KIF26B: variants seen among roughly 807,000 people sequenced by gnomAD.
The protein encoded by KIF26B is kinesin family member 26B, also known as kinesin-like protein KIF26B.
A neutral mutation model predicts 151.2 loss-of-function variants in KIF26B; 63 were observed. The observed-to-expected ratio is 0.42, with a 90% CI of 0.34 to 0.51. The LOEUF (loss-of-function observed/expected upper bound fraction) is 0.51. Ranked by LOEUF, KIF26B falls within the 20% of genes least tolerant of loss-of-function variation. The pLI is 0.07. For missense variants in KIF26B, 2,813 were observed against 2,913.6 expected, an observed-to-expected ratio of 0.97 and a Z score of 0.79; for synonymous variants, 1,357 against 1,262.1, an observed-to-expected ratio of 1.08 and a Z score of -1.59.
At chr1:245,468,892 G>A (rs1355616433) in intron 4 of KIF26B, among the ~76,000 whole-genome samples, 1 of 152,076 alleles carries the variant, frequency 6.6e-6, no homozygotes, top group Non-Finnish European at 1.5e-5. Flanking sequence ...TATTCCTTCA[G>A]CAAGTGAAAC....
intron 3 of KIF26B, among the ~76,000 whole-genome samples, chr1:245,418,697 T>A (rs1426977880): frequency 1.3e-5 from 2 of 152,206 alleles, no homozygotes; most frequent in Admixed American, 1.3e-4. Flanking sequence ...AAACTGACAT[T>A]TTTCTTTTTT....
At chr1:245,526,995 T>A (rs1386065840) in intron 4 of KIF26B, among the ~76,000 whole-genome samples, 3 of 152,228 alleles carry the variant, frequency 2.0e-5, no homozygotes, top group African/African-American at 4.8e-5. Context: ...GGAAGATAAA[T>A]ACTAAGGAAA....
At chr1:245,238,667 C>T (rs1243283349) in intron 2 of KIF26B, among the ~76,000 whole-genome samples, 1 of 152,044 alleles carries the variant, frequency 6.6e-6, no homozygotes, top group Non-Finnish European at 1.5e-5. Context: ...TTGAGACCAG[C>T]CTGCCCAACA....
intron 4 of KIF26B, among the ~76,000 whole-genome samples, chr1:245,480,773 A>T: frequency 9.7e-6 from 1 of 103,256 alleles, no homozygotes; most frequent in African/African-American, 5.4e-5. Context: ...TAATACTTTT[A>T]AAATGTTAAA....
chr1:245,559,642 G>A (rs895935907), intron 5 of KIF26B, among the ~76,000 whole-genome samples: 2 of 152,184 alleles, frequency 1.3e-5, no homozygotes, highest in African/African-American at 4.8e-5. Flanking sequence ...TTGAATTCCT[G>A]AGCTCATGAT....
chr1:245,235,376 G>A, intron 2 of KIF26B, among the ~76,000 whole-genome samples: 1 of 151,912 alleles, frequency 6.6e-6, no homozygotes, highest in Non-Finnish European at 1.5e-5. Flanking sequence ...AGGATGGCTC[G>A]AGGCCAGGAG....
At chr1:245,466,812 G>A (rs185614627) in intron 4 of KIF26B, among the ~76,000 whole-genome samples, 4 of 152,282 alleles carry the variant, frequency 2.6e-5, no homozygotes, top group African/African-American at 7.2e-5. Flanking sequence ...TGTAATCCCA[G>A]CTACTTGGGA....
chr1:245,275,138 G>C (rs1305533958), intron 2 of KIF26B, among the ~76,000 whole-genome samples: 1 of 152,124 alleles, frequency 6.6e-6, no homozygotes, highest in Non-Finnish European at 1.5e-5. Context: ...CTTTTGAGAA[G>C]TGTCTGTTTA....
At chr1:245,626,412 TCTG>T (rs1553297637) in intron 9 of KIF26B, among the ~76,000 whole-genome samples, 1 of 151,740 alleles carries the variant, frequency 6.6e-6, no homozygotes. Context: ...GTTTTTTTTT[TCTG>T]TCTTTCTAAT....
intron 5 of KIF26B, among the ~76,000 whole-genome samples, chr1:245,595,815 G>A (rs915434353): frequency 5.9e-5 from 9 of 151,914 alleles, no homozygotes; most frequent in Non-Finnish European, 7.4e-5. Context: ...TTGGTAGGCT[G>A]CGAAATTACT....
At chr1:245,187,724 G>C (rs4658442) in intron 2 of KIF26B, among the ~76,000 whole-genome samples, 131,978 of 152,164 alleles carry the variant, frequency 0.87, 57,791 homozygotes, top group Non-Finnish European at 0.94. Flanking sequence ...ATGTTGGAGA[G>C]GGGGAGGTTG....
chr1:245,660,710 G>C (rs141023691), intron 10 of KIF26B, among the ~76,000 whole-genome samples: 166 of 152,240 alleles, frequency 1.1e-3, no homozygotes, highest in African/African-American at 3.9e-3. Context: ...TTCTTGTTCT[G>C]TAAGCACCTA....
intron 2 of KIF26B, among the ~76,000 whole-genome samples, chr1:245,357,033 T>G (rs1672716037): frequency 6.6e-6 from 1 of 152,170 alleles, no homozygotes; most frequent in Admixed American, 6.5e-5. Context: ...TCCTGGTGTG[T>G]TCAAGGAACA....
At chr1:245,342,410 G>A (rs979216191) in intron 2 of KIF26B, among the ~76,000 whole-genome samples, 1 of 152,198 alleles carries the variant, frequency 6.6e-6, no homozygotes, top group East Asian at 1.9e-4. Context: ...GTGTAATTAA[G>A]AGTGTTAATG....
chr1:245,277,047 T>C (rs1372798150), intron 2 of KIF26B, among the ~76,000 whole-genome samples: 3 of 152,110 alleles, frequency 2.0e-5, no homozygotes, highest in Admixed American at 1.3e-4. Context: ...TGGAATACTA[T>C]GTTTATAGGC....
At chr1:245,680,471 G>C (rs1011840087) in intron 10 of KIF26B, among the ~76,000 whole-genome samples, 1 of 152,178 alleles carries the variant, frequency 6.6e-6, no homozygotes, top group African/African-American at 2.4e-5. Context: ...GTCAGGTGTG[G>C]GGAGTCGCAG....
intron 2 of KIF26B, among the ~76,000 whole-genome samples, chr1:245,202,405 C>T (rs1381650419): frequency 6.6e-6 from 1 of 152,068 alleles, no homozygotes; most frequent in East Asian, 1.9e-4. Context: ...TCCTGATCTA[C>T]CGGTCTGAGC....
chr1:245,346,366 C>T (rs188591958), intron 2 of KIF26B, among the ~76,000 whole-genome samples: 33 of 152,314 alleles, frequency 2.2e-4, no homozygotes, highest in Middle Eastern at 3.4e-3. Context: ...TGAACCACCA[C>T]GTTTGGTGCT....
chr1:245,520,142 A>AGAGAGC (rs1441519069), intron 4 of KIF26B, among the ~76,000 whole-genome samples: 1 of 151,794 alleles, frequency 6.6e-6, no homozygotes, highest in East Asian at 1.9e-4. Flanking sequence ...AGAGAGAGAG[A>AGAGAGC]GAGAGCCCTT....
Sources: gnomAD v4.1 joint callset for allele counts (sites outside exome capture counted in the v4.1 genomes callset) on GRCh38, gnomAD v4.1.1 for gene constraint, MANE v1.5 for transcripts, NCBI Gene and HGNC (gene_info 2026-07-23, HGNC 2026-07-21) for gene names.